Variants in SLC8A1 observed in about 807,000 individuals in gnomAD.
SLC8A1 encodes solute carrier family 8 member A1, also known as sodium/calcium exchanger 1.
In SLC8A1, 18 loss-of-function variants were observed where a neutral mutation model predicts 68.3. That is an observed-to-expected ratio of 0.26 (90% CI 0.18 to 0.39). The LOEUF is 0.39. Among genes scored for constraint, SLC8A1 ranks in the 10% least tolerant of loss-of-function variants. SLC8A1 has a pLI of 1.00. For missense variants in SLC8A1, 985 were observed against 1,156.7 expected, an observed-to-expected ratio of 0.85 and a Z score of 2.15; for synonymous variants, 475 against 415.5, an observed-to-expected ratio of 1.14 and a Z score of -1.74.
intron 1 of SLC8A1, among the ~76,000 whole-genome samples, chr2:40,440,141 C>G (rs1261795928): frequency 6.6e-6 from 1 of 151,946 alleles, no homozygotes; most frequent in Admixed American, 6.6e-5. Context: ...CTAGCTAGGG[C>G]ATCTAGTGAA....
chr2:40,316,867 C>T (rs1053619804), intron 2 of SLC8A1, among the ~76,000 whole-genome samples: 1 of 151,912 alleles, frequency 6.6e-6, no homozygotes, highest in African/African-American at 2.4e-5. Context: ...GGAAAGCAAC[C>T]ATACCTCAGG....
intron 2 of SLC8A1, among the ~76,000 whole-genome samples, chr2:40,205,035 G>A (rs763439945): frequency 1.7e-4 from 26 of 151,864 alleles, no homozygotes; most frequent in Non-Finnish European, 2.8e-4. Flanking sequence ...GTGCATATCA[G>A]CTGGGCATAT....
exon 6 of SLC8A1, chr2:40,160,853 G>A: frequency 6.2e-7 from 1 of 1,612,252 alleles, no homozygotes; most frequent in African/African-American, 1.3e-5. Context: ...TAATGAGTTT[G>A]TCCACAGTAC....
chr2:40,435,347 CACCTA>C, intron 1 of SLC8A1, among the ~76,000 whole-genome samples: 1 of 152,248 alleles, frequency 6.6e-6, no homozygotes, highest in East Asian at 1.9e-4. Context: ...CTGACCATCT[CACCTA>C]AAGTGAAAAT....
intron 2 of SLC8A1, among the ~76,000 whole-genome samples, chr2:40,217,065 T>C (rs1219655171): frequency 2.0e-5 from 3 of 152,216 alleles, no homozygotes; most frequent in Non-Finnish European, 2.9e-5. Flanking sequence ...CGTCATGAAG[T>C]CTTTGCCCAT....
At chr2:40,429,905 T>A (rs1198623982) in exon 2 of SLC8A1, 1 of 1,613,606 alleles carries the variant, frequency 6.2e-7, no homozygotes, top group Non-Finnish European at 8.5e-7. Context: ...ATCCTCACAG[T>A]TGTCTTGGTG....
intron 1 of SLC8A1, among the ~76,000 whole-genome samples, chr2:40,485,344 C>G (rs1704894750): frequency 6.6e-6 from 1 of 152,074 alleles, no homozygotes; most frequent in African/African-American, 2.4e-5. Flanking sequence ...ACTTATTGGC[C>G]AGGTTTATAT....
At chr2:40,461,752 T>G (rs968516640) in intron 1 of SLC8A1, among the ~76,000 whole-genome samples, 7 of 152,200 alleles carry the variant, frequency 4.6e-5, no homozygotes, top group Non-Finnish European at 7.3e-5. Context: ...GAACATTGTT[T>G]TGTTAAAGGC....
intron 2 of SLC8A1, chr2:40,209,908 C>T (rs2148767810): frequency 6.6e-6 from 1 of 152,378 alleles, no homozygotes; most frequent in African/African-American, 2.4e-5. Context: ...TAGGGAAATA[C>T]AGATTGACTT....
At chr2:40,212,110 A>G (rs2148783172) in intron 2 of SLC8A1, among the ~76,000 whole-genome samples, 1 of 152,242 alleles carries the variant, frequency 6.6e-6, no homozygotes, top group Middle Eastern at 3.4e-3. Context: ...AATTTAAATA[A>G]GCAATGAAGA....
At chr2:40,180,179 A>G (rs1322032850) in intron 2 of SLC8A1, among the ~76,000 whole-genome samples, 1 of 152,186 alleles carries the variant, frequency 6.6e-6, no homozygotes, top group Non-Finnish European at 1.5e-5. Flanking sequence ...AGTTACATGT[A>G]TACTGTAAAC....
At chr2:40,325,501 G>A (rs973380365) in intron 2 of SLC8A1, among the ~76,000 whole-genome samples, 4 of 152,122 alleles carry the variant, frequency 2.6e-5, no homozygotes, top group Non-Finnish European at 5.9e-5. Flanking sequence ...AAGCATATAA[G>A]AAGGCTGCAC....
intron 2 of SLC8A1, among the ~76,000 whole-genome samples, chr2:40,237,497 T>C (rs563640539): frequency 0.017 from 2,513 of 152,152 alleles, 73 homozygotes; most frequent in African/African-American, 0.058. Flanking sequence ...ATTCTAGTTA[T>C]ACATTCTTCT....
intron 1 of SLC8A1, among the ~76,000 whole-genome samples, chr2:40,490,641 G>T (rs188075686): frequency 6.6e-6 from 1 of 152,082 alleles, no homozygotes; most frequent in African/African-American, 2.4e-5. Context: ...TTGTGGGGAT[G>T]GGTAGGAGTA....
chr2:40,323,809 G>C (rs1211786456), intron 2 of SLC8A1, among the ~76,000 whole-genome samples: 3 of 152,096 alleles, frequency 2.0e-5, no homozygotes, highest in Admixed American at 6.6e-5. Flanking sequence ...GATATGAAGT[G>C]ATGCCAGAAA....
chr2:40,433,904 G>A lies in SLC8A1; in HGVS notation c.-24-3600C>T, dbSNP rs75672496. On this transcript the variant is annotated intron_variant, in intron 1 of 7. Coordinates refer to ENST00000406785, the Ensembl canonical transcript of SLC8A1. ...AAAGTCTTGTGGAAGGTTTCCAATA[G>A]CCTGGCTTTTATCTTATGCATTAGA... 8.9e-3 allele frequency among the ~76,000 whole-genome samples: 1,350 copies of A among 152,258 alleles called. 30 individuals are homozygous for A. The highest frequency in any genetic ancestry group is 0.031 in the African/African-American group (1,305 of 41,562).
At chr2:40,506,893 T>G (rs1226661593) in intron 1 of SLC8A1, among the ~76,000 whole-genome samples, 1 of 151,972 alleles carries the variant, frequency 6.6e-6, no homozygotes, top group Non-Finnish European at 1.5e-5. Flanking sequence ...TCTGGTAGAA[T>G]GTGAGGAAGA....
chr2:40,289,107 T>C (rs1365627437), intron 2 of SLC8A1, among the ~76,000 whole-genome samples: 2 of 152,024 alleles, frequency 1.3e-5, no homozygotes, highest in African/African-American at 4.8e-5. Context: ...TTCTTTTTTT[T>C]TTCAGTCAAA....
At chr2:40,177,852 C>A in exon 3 of SLC8A1, 1 of 1,546,290 alleles carries the variant, frequency 6.5e-7, no homozygotes, top group South Asian at 1.2e-5. Flanking sequence ...TGGTAATGAT[C>A]TTCCTGTGGG....
Sources: allele counts gnomAD v4.1 joint callset (sites outside exome capture counted in the v4.1 genomes callset), GRCh38; gene constraint gnomAD v4.1.1; transcripts MANE v1.5; gene names NCBI Gene and HGNC (gene_info 2026-07-23, HGNC 2026-07-21).